NPAS2: variants seen among roughly 807,000 people sequenced by gnomAD.
NPAS2 encodes neuronal PAS domain-containing protein 2.
In NPAS2, 23 loss-of-function variants were observed where a neutral mutation model predicts 107.5. The ratio of observed to expected loss-of-function variants is 0.21; its 90% CI spans 0.15 to 0.30. The LOEUF (loss-of-function observed/expected upper bound fraction) is 0.30. Among genes scored for constraint, NPAS2 ranks in the 10% least tolerant of loss-of-function variants. NPAS2 has a pLI of 1.00. For synonymous variants in NPAS2, 403 were observed against 417.5 expected, an observed-to-expected ratio of 0.97 and a Z score of 0.42; for missense variants, 756 against 1,043.3, an observed-to-expected ratio of 0.72 and a Z score of 3.79.
intron 4 of NPAS2, 59 bp downstream of exon 4, chr2:100,933,060 G>A (rs891494913): frequency 7.2e-5 from 92 of 1,276,500 alleles, no homozygotes; most frequent in Admixed American, 1.0e-4. Flanking sequence ...GCTACTTGTT[G>A]CAGATAAGTC....
intron 1 of NPAS2, among the ~76,000 whole-genome samples, chr2:100,834,220 C>T (rs180809905): frequency 1.2e-4 from 19 of 152,272 alleles, no homozygotes; most frequent in Admixed American, 9.2e-4. Flanking sequence ...CCAGAGAATC[C>T]ATAAGAATGA....
At position 100,841,381 on chromosome 2, in the gene NPAS2, C is replaced by T. The variant is rs147782168; in HGVS notation, c.-23+20967C>T. 7.5e-3 allele frequency among the ~76,000 whole-genome samples: 1,140 copies of T among 152,270 alleles called. 5 individuals are homozygous for T. The highest frequency in any genetic ancestry group is 0.012 in the Non-Finnish European group (792 of 68,022). ...TGATGAACCCGGGGGGTGGAGGTTGCAGTGAGCCGAGATTGCGCCACTGCA... is the reference window on the plus strand; with the variant it reads ...TGATGAACCCGGGGGGTGGAGGTTGTAGTGAGCCGAGATTGCGCCACTGCA... On this transcript the variant is annotated intron_variant, in intron 1 of 20. Transcript: ENST00000335681.
chr2:100,880,526 A>G (rs1558834900), intron 1 of NPAS2, among the ~76,000 whole-genome samples: 1 of 152,210 alleles, frequency 6.6e-6, no homozygotes, highest in Non-Finnish European at 1.5e-5. Flanking sequence ...GAAAGACGCC[A>G]TGGCAAAAGG....
chr2:100,837,913 C>G (rs746825132), intron 1 of NPAS2, among the ~76,000 whole-genome samples: 2 of 152,030 alleles, frequency 1.3e-5, no homozygotes, highest in African/African-American at 2.4e-5. Flanking sequence ...GGTCAGGAAG[C>G]CAGCACCATC....
intron 7 of NPAS2, among the ~76,000 whole-genome samples, chr2:100,955,340 C>T (rs775969804): frequency 1.3e-5 from 2 of 152,192 alleles, no homozygotes; most frequent in Non-Finnish European, 2.9e-5. Context: ...TTACTGTACC[C>T]GCTTCCTGGG....
chr2:100,860,931 T>G (rs901768382), intron 1 of NPAS2, among the ~76,000 whole-genome samples: 1 of 152,074 alleles, frequency 6.6e-6, no homozygotes, highest in Admixed American at 6.6e-5. Flanking sequence ...CTTGCTCTTT[T>G]GCCCAAGCTG....
intron 4 of NPAS2, among the ~76,000 whole-genome samples, chr2:100,936,941 C>T (rs921491034): frequency 6.9e-6 from 1 of 144,394 alleles, no homozygotes; most frequent in African/African-American, 2.6e-5. Context: ...GAGATCATGC[C>T]ACTGCACTCC....
intron 1 of NPAS2, among the ~76,000 whole-genome samples, chr2:100,842,912 C>T (rs1325090541): frequency 6.6e-6 from 1 of 152,126 alleles, no homozygotes; most frequent in African/African-American, 2.4e-5. Flanking sequence ...TAAGCTGTTC[C>T]TGAGAGGAGT....
chr2:100,955,577 G>A (rs1675519892), intron 7 of NPAS2, among the ~76,000 whole-genome samples: 1 of 152,200 alleles, frequency 6.6e-6, no homozygotes, highest in Admixed American at 6.5e-5. Context: ...AAGAGCTGCA[G>A]TCACTTCTTT....
At chr2:100,859,839 C>T (rs1678824561) in intron 1 of NPAS2, among the ~76,000 whole-genome samples, 1 of 152,222 alleles carries the variant, frequency 6.6e-6, no homozygotes, top group Non-Finnish European at 1.5e-5. Flanking sequence ...AATAGGGCAA[C>T]TAGCTTCCTT....
rs555124701 is a variant in NPAS2, at chr2:100,976,110, A to T, written c.1392+543A>T. On this transcript the variant is annotated intron_variant, in intron 14 of 20. Coordinates refer to ENST00000335681, the MANE Select transcript of NPAS2 (RefSeq NM_002518.4). This position sits in a 1 kb window ranked among gnomAD's most constrained non-coding sequence, Gnocchi z 4.1. ...TAACTTAGTGGCCTAAAGCAACCAC[A>T]TGTATGAAGTTCATGGAGTCTGGGT... Among the ~76,000 whole-genome samples, 2 of 152,218 alleles carry T rather than the reference A, an allele frequency of 1.3e-5. No homozygotes were observed. Among genetic ancestry groups the T allele is most frequent in the South Asian group, 4.1e-4 (2 of 4,822 alleles).
chr2:100,897,588 T>C (rs1375194927), intron 1 of NPAS2, among the ~76,000 whole-genome samples: 1 of 152,080 alleles, frequency 6.6e-6, no homozygotes, highest in East Asian at 1.9e-4. Context: ...CCCTCACTGC[T>C]CACTCCCACA....
At chr2:100,966,725 T>C (rs995360088) in intron 10 of NPAS2, among the ~76,000 whole-genome samples, 1 of 151,642 alleles carries the variant, frequency 6.6e-6, no homozygotes, top group Non-Finnish European at 1.5e-5. Context: ...TCTAGAGTAG[T>C]TGGGATTACA....
chr2:100,823,385 A>C (rs1676188499), intron 1 of NPAS2, among the ~76,000 whole-genome samples: 1 of 152,156 alleles, frequency 6.6e-6, no homozygotes, highest in African/African-American at 2.4e-5. Flanking sequence ...CCCAGAGACC[A>C]CTTGAACTTT....
intron 1 of NPAS2, among the ~76,000 whole-genome samples, chr2:100,862,182 C>T (rs79741991): frequency 0.02 from 3,068 of 152,250 alleles, 108 homozygotes; most frequent in African/African-American, 0.068. Flanking sequence ...TCAAAGAAAG[C>T]TGTAGTCAGA....
chr2:100,929,288 A>G (rs894434081), intron 3 of NPAS2, among the ~76,000 whole-genome samples: 60 of 152,272 alleles, frequency 3.9e-4, no homozygotes, highest in African/African-American at 1.4e-3. Flanking sequence ...AGCCAGGAAA[A>G]TGTGGAATCT....
chr2:100,974,827 C>T lies in NPAS2; in HGVS notation c.1165C>T (p.Arg389Trp), dbSNP rs753577634. 17 of 1,613,944 alleles carry T rather than the reference C, an allele frequency of 1.1e-5. No individual in the cohort carries two copies. The East Asian group carries it at 2.7e-4, about 25-fold the overall frequency. Residue 389 changes from arginine (R) to tryptophan (W), a missense_variant, in exon 13 of 21, where the codon CGG becomes TGG. By Grantham distance (101) the Arg-to-Trp change is moderately radical. Coordinates refer to ENST00000335681, the MANE Select transcript of NPAS2 (RefSeq NM_002518.4). ...LKDKGSSLEP[R>W]QHFNTLDVGA... is the part of the protein sequence containing the mutation. ...GGACAAGGGCTCAAGCCTGGAACCT[C>T]GGCAGCACTTTAACACACTCGACGT...
intron 7 of NPAS2, among the ~76,000 whole-genome samples, chr2:100,956,049 C>T (rs1573715850): frequency 2.0e-5 from 3 of 151,956 alleles, no homozygotes; most frequent in African/African-American, 4.8e-5. Context: ...GGACTACAGG[C>T]GCATGCTATA....
At position 100,870,350 on chromosome 2, in the gene NPAS2, C is replaced by A. The variant is rs554982294; in HGVS notation, c.-22-34383C>A. 1.2e-4 allele frequency among the ~76,000 whole-genome samples: 19 copies of A among 152,214 alleles called. 1 individual carries two copies. The South Asian group carries it at 3.7e-3, about 30-fold the overall frequency. Reference sequence around the variant, plus strand: ...TTCTGTATTGTTAAGGCCAAGGGGCCCCATCTTTTTTCTTACAGGGACCAA... The same window carrying A: ...TTCTGTATTGTTAAGGCCAAGGGGCACCATCTTTTTTCTTACAGGGACCAA... On this transcript the variant is annotated intron_variant, in intron 1 of 20. Transcript: ENST00000335681.
Sources: allele counts gnomAD v4.1 joint callset (sites outside exome capture counted in the v4.1 genomes callset), GRCh38; gene constraint gnomAD v4.1.1; non-coding constraint Gnocchi (gnomAD v3.1); transcripts MANE v1.5; gene names NCBI Gene and HGNC (gene_info 2026-07-23, HGNC 2026-07-21).